TTLL8: variants seen among roughly 807,000 people sequenced by gnomAD.
TTLL8 encodes tubulin tyrosine ligase like 8.
In TTLL8, 65 loss-of-function variants were observed where a neutral mutation model predicts 77.8. The ratio of observed to expected loss-of-function variants is 0.84; its 90% CI spans 0.68 to 1.03. TTLL8 has a LOEUF of 1.03. Among genes scored for constraint, TTLL8 ranks in the 50% least tolerant of loss-of-function variants. TTLL8 has a pLI of 0.00. For missense variants in TTLL8, 910 were observed against 1,004.5 expected (o/e 0.91, Z 1.27); for synonymous variants, 402 against 422.8 (o/e 0.95, Z 0.60).
chr22:50,028,222 TC>T lies in TTLL8; in HGVS notation c.2203+2207del, dbSNP rs2061243459. Among the ~76,000 whole-genome samples the T allele has an allele frequency of 3.3e-5, 5 of 152,300 alleles. No individual in the cohort carries two copies. The South Asian group carries it at 1.0e-3, about 32-fold the overall frequency. On this transcript the variant is annotated intron_variant, in intron 12 of 13. Coordinates refer to ENST00000266182, the Ensembl canonical transcript of TTLL8. ...GAGGATCAAAGGCAGAGGAGATCTTTCCTCTTCAGCATGGTAATTTGGCACT... is the reference window on the plus strand; with the variant it reads ...GAGGATCAAAGGCAGAGGAGATCTTTCTCTTCAGCATGGTAATTTGGCACT...
At chr22:50,036,728 A>G (rs1048771588) in intron 8 of TTLL8, among the ~76,000 whole-genome samples, 51 of 151,938 alleles carry the variant, frequency 3.4e-4, no homozygotes, top group African/African-American at 1.1e-3. Flanking sequence ...CCTCCCAAGT[A>G]GCTGGGATTA....
At chr22:50,038,422 T>C (rs539944941) in intron 8 of TTLL8, among the ~76,000 whole-genome samples, 2 of 152,324 alleles carry the variant, frequency 1.3e-5, no homozygotes, top group South Asian at 4.1e-4. Flanking sequence ...AGTCTGATGA[T>C]GAGCAACTTC....
chr22:50,031,891 C>T (rs767592652), exon 11 of TTLL8: 6 of 1,367,044 alleles, frequency 4.4e-6, no homozygotes, highest in East Asian at 4.5e-5. Context: ...GCTGTTCTTG[C>T]GAGGCTCCAC....
intron 12 of TTLL8, among the ~76,000 whole-genome samples, chr22:50,023,423 G>A (rs976611402): frequency 1.3e-5 from 2 of 152,166 alleles, no homozygotes; most frequent in East Asian, 1.9e-4. Flanking sequence ...GGTGGCTGAC[G>A]CCTGTAATCC....
chr22:50,023,099 T>C lies in TTLL8; in HGVS notation c.2204-6537A>G, dbSNP rs969959523. Among the ~76,000 whole-genome samples the C allele has an allele frequency of 8.5e-5, 13 of 152,350 alleles. No homozygotes were observed. In the East Asian group the frequency reaches 1.4e-3, roughly 16 times the overall value. On this transcript the variant is annotated intron_variant, in intron 12 of 13. Transcript: ENST00000266182. ...TACAAAACCAGGGCATTTCGCACAT[T>C]TTAGCAACAAACAATTGGAAAATAA...
intron 3 of TTLL8, among the ~76,000 whole-genome samples, chr22:50,047,990 C>T (rs576469458): frequency 2.0e-5 from 3 of 152,070 alleles, no homozygotes; most frequent in Admixed American, 6.6e-5. Context: ...CCAACTACTC[C>T]GGAGGCTGAG....
At chr22:50,046,309 G>A (rs1416352285) in intron 4 of TTLL8, among the ~76,000 whole-genome samples, 1 of 152,188 alleles carries the variant, frequency 6.6e-6, no homozygotes, top group Non-Finnish European at 1.5e-5. Context: ...GGGCCACAGG[G>A]TGTCCCACAC....
At chr22:50,049,554 G>A (rs562870647) in intron 2 of TTLL8, among the ~76,000 whole-genome samples, 2 of 152,310 alleles carry the variant, frequency 1.3e-5, no homozygotes, top group South Asian at 4.2e-4. Flanking sequence ...CCTCCCCAGG[G>A]CTGTGACAGG....
At chr22:50,035,412 G>A (rs149923142) in intron 8 of TTLL8, among the ~76,000 whole-genome samples, 2 of 152,300 alleles carry the variant, frequency 1.3e-5, no homozygotes, top group Non-Finnish European at 2.9e-5. Context: ...CAACATGGGA[G>A]GGGCCCCACC....
chr22:50,055,157 G>A, upstream of TTLL8: 1 of 1,254,304 alleles, frequency 8.0e-7, no homozygotes, highest in South Asian at 1.4e-5. Flanking sequence ...AGGCCAGATG[G>A]ACAGATTCCA....
At chr22:50,024,689 G>A (rs977606464) in intron 12 of TTLL8, among the ~76,000 whole-genome samples, 6 of 152,182 alleles carry the variant, frequency 3.9e-5, no homozygotes, top group African/African-American at 9.7e-5. Context: ...CACTACGTCC[G>A]AAGAACAAAG....
chr22:50,031,042 G>T, intron 11 of TTLL8, 117 bp from the exon 13 acceptor site: 1 of 905,950 alleles, frequency 1.1e-6, no homozygotes, highest in Non-Finnish European at 1.5e-6. Flanking sequence ...TGACTCAGGA[G>T]TGAACAGTGA....
At position 50,035,439 on chromosome 22, in the gene TTLL8, C is replaced by T. The variant is rs145015332; in HGVS notation, c.922-977G>A. Among the ~76,000 whole-genome samples the T allele has an allele frequency of 1.9e-3, 289 of 152,192 alleles. 3 individuals carry two copies. In the East Asian group the frequency reaches 0.044, roughly 23 times the overall value. On this transcript the variant is annotated intron_variant, in intron 8 of 13. Transcript: ENST00000266182. Reference sequence around the variant, plus strand: ...GGCCCCACCACTGTGGAACTGTGGCCGGGGGTGCCTGGGCGAGAGCCCCTG... The same window carrying T: ...GGCCCCACCACTGTGGAACTGTGGCTGGGGGTGCCTGGGCGAGAGCCCCTG...
exon 10 of TTLL8, chr22:50,033,440 C>G: frequency 1.5e-6 from 2 of 1,362,034 alleles, no homozygotes; most frequent in Non-Finnish European, 2.0e-6. Context: ...TCCATGCACA[C>G]TATGTCTGCA....
chr22:50,042,623 C>T (rs2061378985), intron 6 of TTLL8, among the ~76,000 whole-genome samples: 1 of 152,040 alleles, frequency 6.6e-6, no homozygotes, highest in African/African-American at 2.4e-5. Flanking sequence ...TATAAAATAC[C>T]CTCAGAAATT....
Position 50,041,604 on chromosome 22 carries a change from G to T in TTLL8, c.830+17C>A, listed in dbSNP as rs777842844. The T allele has an allele frequency of 3.0e-6, 4 of 1,335,996 alleles. No homozygotes were observed. Among genetic ancestry groups the T allele is most frequent in the Non-Finnish European group, 4.0e-6 (4 of 1,005,184 alleles). The allele number at this position is 1,335,996 out of a possible 1,614,324, so 82.8% of individuals were successfully genotyped here. On this transcript the variant is annotated intron_variant, in intron 7 of 13. Transcript: ENST00000266182. This position sits in a 1 kb window ranked among gnomAD's most constrained non-coding sequence, Gnocchi z 4.3. ...CTCACAGCTCCGACATGTGCCAGGG[G>T]CCTGCGTAAGTCTTACTGAACGAGG...
intron 6 of TTLL8, among the ~76,000 whole-genome samples, chr22:50,043,770 C>T (rs966565524): frequency 7.2e-5 from 11 of 152,106 alleles, no homozygotes; most frequent in South Asian, 4.1e-4. Context: ...CATCTGAAAA[C>T]GCTCCATGCT....
chr22:50,021,044 GTGCACTCCTCCATCTGACC>G (rs2061194667), intron 12 of TTLL8, among the ~76,000 whole-genome samples: 1 of 93,078 alleles, frequency 1.1e-5, no homozygotes. Context: ...TCCATCTGAT[GTGCACTCCTCCATCTGACC>G]TGCACTCCTC....
chr22:50,019,526 G>C (rs746314858), intron 12 of TTLL8, among the ~76,000 whole-genome samples: 2 of 152,154 alleles, frequency 1.3e-5, no homozygotes, highest in African/African-American at 4.8e-5. Context: ...GGTCTCTCTT[G>C]AATCACTCAC....
Sources: allele counts gnomAD v4.1 joint callset (sites outside exome capture counted in the v4.1 genomes callset), GRCh38; gene constraint gnomAD v4.1.1; non-coding constraint Gnocchi (gnomAD v3.1); transcripts MANE v1.5; gene names NCBI Gene and HGNC (gene_info 2026-07-23, HGNC 2026-07-21).